HOMER1: variants seen among roughly 807,000 people sequenced by gnomAD.
HOMER1 encodes the protein homer scaffold protein 1.
Under a neutral mutation model 48.9 loss-of-function variants are expected in HOMER1, and 3 were observed. That is an observed-to-expected ratio of 0.06 (90% CI 0.03 to 0.16). The LOEUF is 0.16. HOMER1 is among the 10% of genes least tolerant of loss of function. The probability of loss-of-function intolerance (pLI) is 1.00; values close to 1 mark genes in which losing one functional copy is unlikely to be tolerated. For missense variants in HOMER1, 247 were observed against 411.4 expected (o/e 0.60, Z 3.46); for synonymous variants, 134 against 146.4 (o/e 0.92, Z 0.61).
intron 1 of HOMER1, among the ~76,000 whole-genome samples, chr5:79,467,284 A>G (rs1751496594): frequency 6.7e-6 from 1 of 149,298 alleles, no homozygotes; most frequent in Non-Finnish European, 1.5e-5. Context: ...CCAGCTACTC[A>G]GGAGGCTGAG....
rs1210748721 is a variant in HOMER1 at position 79,376,045 on chromosome 5, T to C, written c.1029A>G (p.Leu343=). ...LDGKIFELTE[L]RDNLAKLLEC... Reference sequence around the variant, plus strand: ...CTAGTAGCTTGGCCAAGTTATCTCGTAATTCTGTTAGTTCAAATATCTTTC... The same window carrying C: ...CTAGTAGCTTGGCCAAGTTATCTCGCAATTCTGTTAGTTCAAATATCTTTC... The change falls in exon 9 of 9, where the codon TTA becomes TTG. Residue 343 remains leucine, a synonymous_variant. Transcript: ENST00000334082. 3 of 1,612,856 alleles carry C rather than the reference T, an allele frequency of 1.9e-6. No homozygotes were observed. The highest frequency in any genetic ancestry group is 2.5e-6 in the Non-Finnish European group (3 of 1,179,506).
chr5:79,433,292 T>C (rs1344709163), intron 5 of HOMER1, among the ~76,000 whole-genome samples: 1 of 152,128 alleles, frequency 6.6e-6, no homozygotes, highest in Non-Finnish European at 1.5e-5. Context: ...GGGCTGGGCG[T>C]GGTGGCTCAC....
chr5:79,485,141 T>C (rs1580017850), intron 1 of HOMER1, among the ~76,000 whole-genome samples: 1 of 152,158 alleles, frequency 6.6e-6, no homozygotes, highest in South Asian at 2.1e-4. Context: ...TGAAGGTGTG[T>C]TTTGCTTTCC....
chr5:79,446,970 A>G, intron 4 of HOMER1, 83 bp downstream of exon 4: 1 of 875,832 alleles, frequency 1.1e-6, no homozygotes, highest in Non-Finnish European at 1.9e-6. Context: ...TTCTGTGTGT[A>G]CTTTGGAGAT....
At chr5:79,426,934 T>C (rs1750273944) in intron 5 of HOMER1, among the ~76,000 whole-genome samples, 1 of 152,120 alleles carries the variant, frequency 6.6e-6, no homozygotes. Flanking sequence ...AACTATAATG[T>C]ATCCATAAAA....
chr5:79,504,269 G>C (rs933133415), intron 1 of HOMER1, among the ~76,000 whole-genome samples: 1 of 151,896 alleles, frequency 6.6e-6, no homozygotes, highest in African/African-American at 2.4e-5. Context: ...AACAAGAGTA[G>C]GAGGAATCCT....
intron 1 of HOMER1, among the ~76,000 whole-genome samples, chr5:79,504,880 T>C (rs1470078873): frequency 1.3e-5 from 2 of 152,200 alleles, no homozygotes; most frequent in African/African-American, 4.8e-5. Flanking sequence ...CAACTAATAT[T>C]GCACATATGT....
intron 1 of HOMER1, 26 bp downstream of exon 1, chr5:79,512,744 G>A: frequency 6.2e-7 from 1 of 1,610,624 alleles, no homozygotes. Flanking sequence ...CAGATTCGAA[G>A]CTGTGTTAAG....
At chr5:79,392,579 G>A (rs563201084) in intron 8 of HOMER1, among the ~76,000 whole-genome samples, 1 of 152,282 alleles carries the variant, frequency 6.6e-6, no homozygotes, top group Non-Finnish European at 1.5e-5. Flanking sequence ...AAATGTTTAT[G>A]AAGTTAAAAT....
intron 1 of HOMER1, 67 bp from the exon 2 acceptor site, chr5:79,457,085 T>C (rs1751195674): frequency 2.1e-6 from 3 of 1,428,822 alleles, no homozygotes; most frequent in South Asian, 2.3e-5. Context: ...CAAGAGAACA[T>C]GAAAACTGCA....
At chr5:79,467,576 T>C (rs1307416443) in intron 1 of HOMER1, among the ~76,000 whole-genome samples, 1 of 152,076 alleles carries the variant, frequency 6.6e-6, no homozygotes, top group South Asian at 2.1e-4. Flanking sequence ...AACTCAGGAT[T>C]GAAGAGAAAG....
intron 2 of HOMER1, 71 bp downstream of exon 2, chr5:79,456,791 C>G (rs1580463229): frequency 1.5e-6 from 2 of 1,315,818 alleles, no homozygotes; most frequent in East Asian, 4.7e-5. Flanking sequence ...ATAAAATGTT[C>G]TGAATAGAAC....
At chr5:79,414,577 T>C (rs914499553) in intron 5 of HOMER1, among the ~76,000 whole-genome samples, 4 of 150,824 alleles carry the variant, frequency 2.7e-5, no homozygotes, top group Admixed American at 1.3e-4. Flanking sequence ...GGGGGTCTTG[T>C]TATGTTGCCC....
At chr5:79,433,935 AAACAATCTCTTT>A (rs1463503468) in intron 5 of HOMER1, among the ~76,000 whole-genome samples, 3 of 152,198 alleles carry the variant, frequency 2.0e-5, no homozygotes, top group African/African-American at 4.8e-5. Flanking sequence ...ATGTGGCAGA[AAACAATCTCTTT>A]AACAGAATAG....
chr5:79,493,109 G>A (rs1752333108), intron 1 of HOMER1, among the ~76,000 whole-genome samples: 1 of 151,924 alleles, frequency 6.6e-6, no homozygotes, highest in Admixed American at 6.6e-5. Flanking sequence ...AGTAGAGACG[G>A]AGTTTCGCCA....
chr5:79,494,640 G>T (rs558462468), intron 1 of HOMER1, among the ~76,000 whole-genome samples: 3 of 152,122 alleles, frequency 2.0e-5, no homozygotes, highest in African/African-American at 2.4e-5. Context: ...AGGCCAAGGC[G>T]GGTGGAACAC....
intron 8 of HOMER1, among the ~76,000 whole-genome samples, chr5:79,384,986 T>C (rs773323995): frequency 7.9e-5 from 12 of 152,116 alleles, no homozygotes; most frequent in South Asian, 2.1e-4. Context: ...AGAAGGAACA[T>C]GTTTCAAGAT....
At chr5:79,465,339 TA>T (rs1404437111) in intron 1 of HOMER1, among the ~76,000 whole-genome samples, 1 of 151,396 alleles carries the variant, frequency 6.6e-6, no homozygotes, top group African/African-American at 2.4e-5. Context: ...CCTGTCTCTT[TA>T]AAAAAGAAAA....
In HOMER1 at chr5:79,375,203, G is replaced by A. The variant is rs1408850261; in HGVS notation, c.*806C>T. The A allele has an allele frequency of 6.6e-6, 1 of 152,050 alleles. No individual in the cohort carries two copies. The highest frequency in any genetic ancestry group is 6.5e-5 in the Admixed American group (1 of 15,268). The allele number at this position is 152,050 out of a possible 1,614,324, so 9.4% of individuals were successfully genotyped here. On this transcript the variant is annotated 3_prime_UTR_variant, in exon 9 of 9. Transcript: ENST00000334082. ...TGACGGGCTGCTGTATTTCAGTACT[G>A]TGTGTCAAATTTATTAGAAACTTAA...
Sources: allele counts gnomAD v4.1 joint callset (sites outside exome capture counted in the v4.1 genomes callset), GRCh38; gene constraint gnomAD v4.1.1; transcripts MANE v1.5; gene names NCBI Gene and HGNC (gene_info 2026-07-23, HGNC 2026-07-21).